Variants in DMD observed in about 807,000 individuals in gnomAD.
DMD encodes mutant dystrophin.
A neutral mutation model predicts 330.1 loss-of-function variants in DMD; 63 were observed. The ratio of observed to expected loss-of-function variants is 0.19; its 90% CI spans 0.16 to 0.24. The LOEUF is 0.24. DMD is among the 10% of genes least tolerant of loss of function. The probability of loss-of-function intolerance (pLI) is 1.00; values close to 1 mark genes in which losing one functional copy is unlikely to be tolerated. For missense variants in DMD, 3,344 were observed against 2,684.1 expected (o/e 1.25, Z -5.43); for synonymous variants, 1,223 against 959.8 (o/e 1.27, Z -5.07).
intron 50 of DMD, among the ~76,000 whole-genome samples, chrX:31,795,031 C>T (rs773767996): frequency 3.6e-5 from 4 of 111,850 alleles, no homozygotes; most frequent in Non-Finnish European, 7.5e-5. Context: ...CAGTGTCACC[C>T]CAATGGAGTG....
chrX:32,022,226 C>T (rs1324172482), intron 44 of DMD, among the ~76,000 whole-genome samples: 1 of 111,841 alleles, frequency 8.9e-6, no homozygotes, highest in Non-Finnish European at 1.9e-5. Context: ...TGAATTATCA[C>T]TGAGAAAGAA....
In DMD at chrX:32,390,109, C is replaced by T. The variant is rs1603632325; in HGVS notation, c.4306G>A (p.Ala1436Thr). The T allele has an allele frequency of 2.5e-6, 3 of 1,209,620 alleles. No individual in the cohort carries two copies. The highest frequency in any genetic ancestry group is 3.4e-6 in the Non-Finnish European group (3 of 893,732). Residue 1436 changes from alanine to threonine, a missense_variant, in exon 31 of 79, where the codon GCT becomes ACT. Ala to Thr is a moderately conservative substitution (Grantham distance 58). Transcript: ENST00000357033. The stretch of plus-strand genomic sequence containing the variant: ...ATCTGAGACAGGACTCTTTGGGCAG[C>T]CTCCTTCCCCTGATTATGTTTCTTC... ...EMKKHNQGKEAAQRVLSQIDV... is the reference protein window; with the variant it reads ...EMKKHNQGKETAQRVLSQIDV...
At chrX:32,728,459 G>C (rs2067145802) in intron 7 of DMD, among the ~76,000 whole-genome samples, 1 of 112,079 alleles carries the variant, frequency 8.9e-6, no homozygotes, top group African/African-American at 3.2e-5. Flanking sequence ...TTTAACAGCA[G>C]TAGTTTCCAC....
At chrX:32,535,209 T>C (rs1372226422) in intron 17 of DMD, among the ~76,000 whole-genome samples, 1 of 111,597 alleles carries the variant, frequency 9.0e-6, no homozygotes, top group East Asian at 2.8e-4. Context: ...TTAAGTCACA[T>C]AGTTTATGAG....
At chrX:31,702,189 G>A (rs1011961438) in intron 52 of DMD, among the ~76,000 whole-genome samples, 3 of 111,821 alleles carry the variant, frequency 2.7e-5, no homozygotes, top group African/African-American at 9.8e-5. Context: ...CTATTCCCTA[G>A]GGGTCTCCCT....
At chrX:31,478,938 C>G in intron 58 of DMD, 45 bp downstream of exon 58, 1 of 1,200,035 alleles carries the variant, frequency 8.3e-7, no homozygotes, top group Non-Finnish European at 1.1e-6. Flanking sequence ...TCCGTCACCA[C>G]TGATCCTTCT....
rs1046271773 is a variant in DMD at position 31,431,385 on chromosome X, G to T, written c.9084+13096C>A. Among the ~76,000 whole-genome samples, 11 of 111,151 alleles carry T rather than the reference G, an allele frequency of 9.9e-5. No homozygotes were observed. The East Asian group carries it at 2.0e-3, about 20-fold the overall frequency. ...AGCTGTTGGTAGAAATTATTATTATGATGATGATGATTATGATTATTATTA... is the reference window on the plus strand; with the variant it reads ...AGCTGTTGGTAGAAATTATTATTATTATGATGATGATTATGATTATTATTA... On this transcript the variant is annotated intron_variant, in intron 60 of 78. Coordinates refer to ENST00000357033, the MANE Select transcript of DMD (RefSeq NM_004006.3).
intron 44 of DMD, among the ~76,000 whole-genome samples, chrX:32,190,294 T>C (rs1455064989): frequency 9.1e-6 from 1 of 109,642 alleles, no homozygotes; most frequent in East Asian, 2.9e-4. Context: ...ATTGTACAAT[T>C]ATTTAACATC....
intron 7 of DMD, among the ~76,000 whole-genome samples, chrX:32,745,971 C>T (rs1305797534): frequency 8.9e-6 from 1 of 112,195 alleles, no homozygotes; most frequent in African/African-American, 3.2e-5. Context: ...GTAGGAAACA[C>T]AAACTTCTAG....
At chrX:31,508,982 A>T (rs926762695) in intron 55 of DMD, among the ~76,000 whole-genome samples, 8 of 111,509 alleles carry the variant, frequency 7.2e-5, no homozygotes, top group Non-Finnish European at 1.1e-4. Context: ...TTTGGCAGCT[A>T]AAGCATCACT....
intron 17 of DMD, among the ~76,000 whole-genome samples, chrX:32,519,812 T>C (rs747476975): frequency 1.6e-4 from 18 of 112,290 alleles, no homozygotes; most frequent in Non-Finnish European, 3.2e-4. Flanking sequence ...TTGCAGGCTA[T>C]TGTTTAAAAA....
At chrX:32,654,336 A>C (rs1042609003) in intron 9 of DMD, among the ~76,000 whole-genome samples, 2 of 111,525 alleles carry the variant, frequency 1.8e-5, no homozygotes, top group African/African-American at 6.5e-5. Flanking sequence ...TCAATACCTA[A>C]TTTATTGAGA....
At chrX:31,373,858 G>A (rs756117089) in intron 60 of DMD, among the ~76,000 whole-genome samples, 5 of 108,870 alleles carry the variant, frequency 4.6e-5, no homozygotes, top group East Asian at 2.9e-4. Flanking sequence ...CACAGCAAAA[G>A]AAACTACCAT....
intron 44 of DMD, among the ~76,000 whole-genome samples, chrX:32,101,885 A>G (rs1432689574): frequency 9.0e-6 from 1 of 111,471 alleles, no homozygotes; most frequent in Non-Finnish European, 1.9e-5. Flanking sequence ...GCCCTTATGA[A>G]TGGATTCATC....
intron 47 of DMD, among the ~76,000 whole-genome samples, chrX:31,893,833 T>C (rs2094293380): frequency 9.0e-6 from 1 of 111,360 alleles, no homozygotes; most frequent in Non-Finnish European, 1.9e-5. Context: ...ACTTATAGAA[T>C]CCGAGGGCCT....
intron 52 of DMD, among the ~76,000 whole-genome samples, chrX:31,697,045 C>G (rs747678985): frequency 8.9e-6 from 1 of 112,272 alleles, no homozygotes; most frequent in South Asian, 3.7e-4. Flanking sequence ...AATCTAAAAT[C>G]TGAAGATCAT....
chrX:31,980,357 T>C (rs1603618934), intron 44 of DMD, among the ~76,000 whole-genome samples: 2 of 111,989 alleles, frequency 1.8e-5, no homozygotes, highest in African/African-American at 6.5e-5. Flanking sequence ...ATATTAATCA[T>C]CAATAAAGGA....
intron 51 of DMD, among the ~76,000 whole-genome samples, chrX:31,764,330 G>C (rs769418007): frequency 9.0e-6 from 1 of 111,673 alleles, no homozygotes; most frequent in Admixed American, 9.6e-5. Context: ...TCAAACTTGA[G>C]TAAGTGTGGT....
chrX:33,271,638 T>C (rs748787279), intron 1 of DMD, among the ~76,000 whole-genome samples: 1 of 106,496 alleles, frequency 9.4e-6, no homozygotes, highest in African/African-American at 3.4e-5. Flanking sequence ...GTGTGGCGGG[T>C]GCCTGTAATC....
Sources: gnomAD v4.1 joint callset for allele counts (sites outside exome capture counted in the v4.1 genomes callset) on GRCh38, gnomAD v4.1.1 for gene constraint, MANE v1.5 for transcripts, NCBI Gene and HGNC (gene_info 2026-07-23, HGNC 2026-07-21) for gene names.